Variants in COL5A1 observed in about 807,000 individuals in gnomAD.
The protein encoded by COL5A1 is collagen type V alpha 1 chain, also known as collagen alpha-1(V) chain.
A neutral mutation model predicts 263.7 loss-of-function variants in COL5A1; 16 were observed. That is an observed-to-expected ratio of 0.06 (90% CI 0.04 to 0.09). COL5A1 has a LOEUF of 0.09. COL5A1 is among the 10% of genes least tolerant of loss of function. COL5A1 has a pLI of 1.00. For missense variants in COL5A1, 2,036 were observed against 2,540.5 expected, an observed-to-expected ratio of 0.80 and a Z score of 4.27; for synonymous variants, 1,012 against 1,004.5, an observed-to-expected ratio of 1.01 and a Z score of -0.14.
chr9:134,826,740 GGTGTTCGGGTGT>G (rs1479582925), intron 63 of COL5A1, among the ~76,000 whole-genome samples: 1 of 149,726 alleles, frequency 6.7e-6, no homozygotes, highest in Non-Finnish European at 1.5e-5. Context: ...GTGTGTACAT[GGTGTTCGGGTGT>G]GTGTGGCTGG....
rs781701002 is a variant in COL5A1 at position 134,732,161 on chromosome 9, G to T, written c.1389+34G>T. 9 of 1,612,364 alleles carry T rather than the reference G, an allele frequency of 5.6e-6. No individual in the cohort carries two copies. In the South Asian group the frequency reaches 9.9e-5, roughly 18 times the overall value. On this transcript the variant is annotated intron_variant, in intron 9 of 65. Transcript: ENST00000371817. ...ATTTTCTCATTCCCTCCCTGCGCCGGGGTGTCCGCTGCTCGGGGTCACAGC... is the reference window on the plus strand; with the variant it reads ...ATTTTCTCATTCCCTCCCTGCGCCGTGGTGTCCGCTGCTCGGGGTCACAGC...
Position 134,842,084 on chromosome 9 carries a change from TG to T in COL5A1, c.5371-67del. 1 of 1,568,696 alleles carries T rather than the reference TG, an allele frequency of 6.4e-7. No homozygotes were observed. The highest frequency in any genetic ancestry group is 8.8e-7 in the Non-Finnish European group (1 of 1,140,214). On this transcript the variant is annotated intron_variant, in intron 65 of 65. Coordinates refer to ENST00000371817, the MANE Select transcript of COL5A1 (RefSeq NM_000093.5). The surrounding 1 kb of genome is among the most constrained non-coding windows in gnomAD (Gnocchi z 5.8). ...CTGGGTTTTGGAGCCAGACAGATTG[TG>T]GGGGGTGATTGGTAAACCCCAAGAC... is the stretch of plus-strand genomic sequence containing the variant.
intron 28 of COL5A1, among the ~76,000 whole-genome samples, chr9:134,782,363 C>T (rs749840752): frequency 9.2e-5 from 14 of 152,194 alleles, no homozygotes; most frequent in Non-Finnish European, 1.8e-4. Context: ...GAAATGATAC[C>T]GGGAGCTCAG....
At chr9:134,762,534 T>C (rs1215359319) in intron 19 of COL5A1, among the ~76,000 whole-genome samples, 13 of 152,074 alleles carry the variant, frequency 8.5e-5, no homozygotes, top group Admixed American at 8.5e-4. Flanking sequence ...TGCCACGCCG[T>C]CTTCATGTGT....
chr9:134,755,172 C>T lies in COL5A1; in HGVS notation c.1827+846C>T, dbSNP rs1043295371. ...AGGGATCTGGGCATGAAACAGAGGC[C>T]TGGGCTGGATAATTCCAGGAGGATT... On this transcript the variant is annotated intron_variant, in intron 16 of 65. Coordinates refer to ENST00000371817, the MANE Select transcript of COL5A1 (RefSeq NM_000093.5). This position sits in a 1 kb window ranked among gnomAD's most constrained non-coding sequence, Gnocchi z 4.1. Among the ~76,000 whole-genome samples the T allele has an allele frequency of 6.6e-6, 1 of 152,166 alleles. No individual in the cohort carries two copies. The highest frequency in any genetic ancestry group is 1.9e-4 in the East Asian group (1 of 5,182).
At chr9:134,811,996 G>A (rs1033452797) in intron 46 of COL5A1, among the ~76,000 whole-genome samples, 1 of 152,196 alleles carries the variant, frequency 6.6e-6, no homozygotes, top group African/African-American at 2.4e-5. Flanking sequence ...AATGAATCAT[G>A]TCATAAGTCA....
rs187959838 is a variant in COL5A1, at chr9:134,755,212, C to A, written c.1827+886C>A. Among the ~76,000 whole-genome samples the A allele has an allele frequency of 6.6e-6, 1 of 152,132 alleles. No homozygotes were observed. The highest frequency in any genetic ancestry group is 1.5e-5 in the Non-Finnish European group (1 of 68,038). On this transcript the variant is annotated intron_variant, in intron 16 of 65. Transcript: ENST00000371817. This position sits in a 1 kb window ranked among gnomAD's most constrained non-coding sequence, Gnocchi z 4.1. Reference sequence around the variant, plus strand: ...CCAGGAGGATTAGCAGCTCTGGAATCGACTCTTGGTAGACAATTGGGCCAT... The same window carrying A: ...CCAGGAGGATTAGCAGCTCTGGAATAGACTCTTGGTAGACAATTGGGCCAT...
chr9:134,747,701 AC>A (rs1487003168), intron 11 of COL5A1, among the ~76,000 whole-genome samples: 1 of 152,100 alleles, frequency 6.6e-6, no homozygotes, highest in Non-Finnish European at 1.5e-5. Flanking sequence ...ACACATGCAC[AC>A]ATGCATTCAT....
chr9:134,766,370 CTGAGT>C (rs1447027556), intron 21 of COL5A1, 79 bp from the exon 22 acceptor site: 1 of 1,378,432 alleles, frequency 7.3e-7, no homozygotes, highest in Non-Finnish European at 1.0e-6. Context: ...GGCGTCTGAG[CTGAGT>C]TGAGTGGGAT....
intron 1 of COL5A1, among the ~76,000 whole-genome samples, chr9:134,679,009 C>G (rs985780829): frequency 1.3e-5 from 2 of 152,188 alleles, no homozygotes; most frequent in Admixed American, 6.5e-5. Context: ...CCTCTGTTAT[C>G]CGAGATGCCT....
intron 1 of COL5A1, among the ~76,000 whole-genome samples, chr9:134,687,797 A>G (rs916041869): frequency 2.0e-5 from 3 of 152,144 alleles, no homozygotes; most frequent in Admixed American, 2.0e-4. Flanking sequence ...AAAGGGCAAA[A>G]GAGAGGGGCT....
Position 134,678,321 on chromosome 9 carries a change from G to A in COL5A1, c.110-12591G>A, listed in dbSNP as rs944966307. 1.3e-5 allele frequency among the ~76,000 whole-genome samples: 2 copies of A among 152,222 alleles called. No individual in the cohort carries two copies. Among genetic ancestry groups the A allele is most frequent in the African/African-American group, 4.8e-5 (2 of 41,456 alleles). ...GGCCAAGTTGATGAATAAGGGAAGTGTGGCAGCTGGGCGCAGAGCACATAA... is the reference window on the plus strand; with the variant it reads ...GGCCAAGTTGATGAATAAGGGAAGTATGGCAGCTGGGCGCAGAGCACATAA... On this transcript the variant is annotated intron_variant, in intron 1 of 65. Transcript: ENST00000371817. The surrounding 1 kb of genome is among the most constrained non-coding windows in gnomAD (Gnocchi z 5.5).
At chr9:134,811,934 G>T (rs1456530595) in intron 46 of COL5A1, among the ~76,000 whole-genome samples, 1 of 152,230 alleles carries the variant, frequency 6.6e-6, no homozygotes, top group Non-Finnish European at 1.5e-5. Context: ...CCTTTTAAAT[G>T]TGTGTATTCT....
intron 9 of COL5A1, among the ~76,000 whole-genome samples, chr9:134,734,460 T>C (rs1835023277): frequency 6.6e-6 from 1 of 152,256 alleles, no homozygotes; most frequent in Non-Finnish European, 1.5e-5. Flanking sequence ...ACCTGGAACG[T>C]TGCCAGATAT....
chr9:134,702,064 C>T (rs1343458351), intron 4 of COL5A1, among the ~76,000 whole-genome samples: 6 of 152,160 alleles, frequency 3.9e-5, no homozygotes, highest in African/African-American at 1.4e-4. Context: ...GTAGGGGTTC[C>T]AGGGCCCTGC....
chr9:134,710,416 C>G (rs950496071), intron 4 of COL5A1, among the ~76,000 whole-genome samples: 2 of 152,232 alleles, frequency 1.3e-5, no homozygotes, highest in Admixed American at 1.3e-4. Context: ...GAGCCAGGAC[C>G]TAAGCCTGCT....
At chr9:134,649,854 TA>T (rs917627951) in intron 1 of COL5A1, among the ~76,000 whole-genome samples, 3 of 151,924 alleles carry the variant, frequency 2.0e-5, no homozygotes, top group Admixed American at 6.6e-5. Flanking sequence ...TATGCAGCCA[TA>T]AAAAAAGGAT....
rs142981679 is a variant in COL5A1, at chr9:134,798,677, C to T, written c.2952+216C>T. ...GCAGAGCAGTCATGCAGGCCGGCAG[C>T]GCCTTATGGCATCTGTGGGCAGAAG... On this transcript the variant is annotated intron_variant, in intron 37 of 65. Transcript: ENST00000371817. Among the ~76,000 whole-genome samples, 1,301 of 140,640 alleles carry T rather than the reference C, an allele frequency of 9.3e-3. 12 individuals carry two copies. The highest frequency in any genetic ancestry group is 0.014 in the Non-Finnish European group (898 of 63,960). 92.3% of individuals were successfully genotyped at this position (140,640 alleles called of 152,430 possible).
chr9:134,805,317 GA>G, intron 41 of COL5A1, 103 bp downstream of exon 41: 3 of 1,341,946 alleles, frequency 2.2e-6, no homozygotes, highest in Non-Finnish European at 3.2e-6. Flanking sequence ...CCAGACCCCC[GA>G]GGAGCCTGGG....
Sources: allele counts gnomAD v4.1 joint callset (sites outside exome capture counted in the v4.1 genomes callset), GRCh38; gene constraint gnomAD v4.1.1; non-coding constraint Gnocchi (gnomAD v3.1); transcripts MANE v1.5; gene names NCBI Gene and HGNC (gene_info 2026-07-23, HGNC 2026-07-21).